Variants in PAX6 observed in about 807,000 individuals in gnomAD.
PAX6 encodes the protein paired box protein Pax-6.
In PAX6, 7 loss-of-function variants were observed where a neutral mutation model predicts 60.7. The ratio of observed to expected loss-of-function variants is 0.12; its 90% CI spans 0.07 to 0.22. The LOEUF (loss-of-function observed/expected upper bound fraction) is 0.22. Among genes scored for constraint, PAX6 ranks in the 10% least tolerant of loss-of-function variants. PAX6 has a pLI of 1.00. For missense variants in PAX6, 355 were observed against 555.2 expected, an observed-to-expected ratio of 0.64 and a Z score of 3.62; for synonymous variants, 208 against 201.2, an observed-to-expected ratio of 1.03 and a Z score of -0.29.
intron 4 of PAX6, 22 bp from the exon 5 acceptor site, chr11:31,802,856 G>A (rs1954565489): frequency 6.2e-7 from 1 of 1,612,182 alleles, no homozygotes; most frequent in Non-Finnish European, 8.5e-7. Flanking sequence ...GAGAGGAGAG[G>A]AAAGGGGAAA....
intron 5 of PAX6, 60 bp downstream of exon 5, chr11:31,802,644 G>A (rs1399356176): frequency 6.4e-7 from 1 of 1,567,168 alleles, no homozygotes; most frequent in Non-Finnish European, 8.6e-7. Context: ...GAAATGAAGA[G>A]AGGGCGTTGA....
At chr11:31,800,060 C>T (rs1383603923) in intron 8 of PAX6, among the ~76,000 whole-genome samples, 1 of 151,808 alleles carries the variant, frequency 6.6e-6, no homozygotes, top group Non-Finnish European at 1.5e-5. Flanking sequence ...GGCATCCCGC[C>T]GTCCTGCTCA....
chr11:31,811,541 CTCCGCGCACGCCGAGAT>C (rs1336944027), upstream of PAX6: 8 of 254,162 alleles, frequency 3.1e-5, no homozygotes, highest in Admixed American at 1.1e-4. Context: ...CATCTCCCCG[CTCCGCGCACGCCGAGAT>C]TCGGCGCGGC....
intron 5 of PAX6, 198 bp downstream of exon 5, chr11:31,802,506 G>A: frequency 1.7e-6 from 1 of 584,048 alleles, no homozygotes; most frequent in Non-Finnish European, 3.0e-6. Flanking sequence ...AACTGACCCA[G>A]GTTGAAAGAG....
chr11:31,795,079 G>A (rs1241507991), intron 8 of PAX6, among the ~76,000 whole-genome samples: 1 of 152,122 alleles, frequency 6.6e-6, no homozygotes. Flanking sequence ...TCTTTTATAA[G>A]TAACCCCAAC....
rs1289289114 is a variant in PAX6 at position 31,790,816 on chromosome 11, G to T, written c.1119C>A (p.Pro373=). ...TCCGCCCATTCACCGAAGGGCTGGT[G>T]GGCAGCATGCAGGAGTATGAGGAGG... ...SQTSSYSCML[P]TSPSVNGRSY... Residue 373 remains proline, a synonymous_variant, in exon 13 of 14, where the codon CCC becomes CCA. Transcript: ENST00000640368. 6.2e-7 allele frequency: 1 copy of T among 1,614,136 alleles called. No individual in the cohort carries two copies. Among genetic ancestry groups the T allele is most frequent in the Non-Finnish European group, 8.5e-7 (1 of 1,180,018 alleles).
Position 31,790,071 on chromosome 11 carries a change from A to G in PAX6, c.1226-52T>C, listed in dbSNP as rs767614768. On this transcript the variant is annotated intron_variant, in intron 13 of 13. Transcript: ENST00000640368. ...TGTAGATATTCCCTTTGAGAAACAG[A>G]CATGGAATACAAATTTATAGGTTTA... 3.7e-6 allele frequency: 3 copies of G among 808,868 alleles called. No individual in the cohort carries two copies. The South Asian group carries it at 4.5e-5, about 12-fold the overall frequency. The allele number at this position is 808,868 out of a possible 1,614,324, so 50.1% of individuals were successfully genotyped here.
At chr11:31,805,366 C>G (rs1056071442) in intron 4 of PAX6, 15 of 152,408 alleles carry the variant, frequency 9.8e-5, no homozygotes, top group Admixed American at 5.9e-4. Flanking sequence ...ACCTTTGTGC[C>G]CTTTCCTCAG....
At chr11:31,813,354 G>C (rs1957216269), upstream of PAX6, among the ~76,000 whole-genome samples, 1 of 139,690 alleles carries the variant, frequency 7.2e-6, no homozygotes, top group Non-Finnish European at 1.5e-5. Context: ...CAAGACTCAA[G>C]TCCGCTGTGC....
upstream of PAX6, among the ~76,000 whole-genome samples, chr11:31,813,657 G>T (rs1261757112): frequency 3.3e-5 from 5 of 152,156 alleles, no homozygotes; most frequent in African/African-American, 9.7e-5. Context: ...ACGTCATTGG[G>T]TGGGGAAGGG....
chr11:31,802,851 G>A lies in PAX6; in HGVS notation c.11-17C>T, dbSNP rs1163207224. ...CGCTGTGACCTGAGGAAAGGGAGAGGAGAGGAAAGGGGAAAAGAAGAGAAG... is the reference window on the plus strand; with the variant it reads ...CGCTGTGACCTGAGGAAAGGGAGAGAAGAGGAAAGGGGAAAAGAAGAGAAG... On this transcript the variant is annotated splice_polypyrimidine_tract_variant and intron_variant, in intron 4 of 13. Transcript: ENST00000640368. 1 of 1,613,098 alleles carries A rather than the reference G, an allele frequency of 6.2e-7. No homozygotes were observed. The highest frequency in any genetic ancestry group is 8.5e-7 in the Non-Finnish European group (1 of 1,179,444).
intron 12 of PAX6, 21 bp downstream of exon 12, chr11:31,793,417 G>A: frequency 6.2e-7 from 1 of 1,604,130 alleles, no homozygotes; most frequent in South Asian, 1.1e-5. Context: ...GGTTATGCAG[G>A]CCACCACCAG....
Position 31,790,619 on chromosome 11 carries a change from C to T in PAX6, c.1225+91G>A, listed in dbSNP as rs149443247. On this transcript the variant is annotated intron_variant, in intron 13 of 13. Coordinates refer to ENST00000640368, the MANE Select transcript of PAX6 (RefSeq NM_001368894.2). ...GACAAGGAAAGCAAGGAGTTAAACA[C>T]GCCCTCCCATAAGACCAGGAGATTC... 16 of 1,582,706 alleles carry T rather than the reference C, an allele frequency of 1.0e-5. No homozygotes were observed. In the East Asian group the frequency reaches 2.0e-4, roughly 20 times the overall value.
chr11:31,799,768 G>C (rs573481823), intron 8 of PAX6, among the ~76,000 whole-genome samples: 1 of 152,264 alleles, frequency 6.6e-6, no homozygotes, highest in African/African-American at 2.4e-5. Context: ...CTGGCCCCGA[G>C]CCCCTCGGCT....
At chr11:31,812,565 G>A (rs1430820647), upstream of PAX6, 1 of 152,368 alleles carries the variant, frequency 6.6e-6, no homozygotes, top group African/African-American at 2.4e-5. Context: ...GCACGATTAG[G>A]ACACACCTCA....
At chr11:31,802,246 G>A in intron 5 of PAX6, 3 of 362,482 alleles carry the variant, frequency 8.3e-6, no homozygotes, top group South Asian at 6.9e-5. Flanking sequence ...TTAGGGAGGA[G>A]TAAATAGCAT....
rs1949177293 is a variant in PAX6, at chr11:31,789,837, T to G, written c.*97A>C. 6 of 1,154,274 alleles carry G rather than the reference T, an allele frequency of 5.2e-6. No homozygotes were observed. Among genetic ancestry groups the G allele is most frequent in the Non-Finnish European group, 7.6e-6 (6 of 785,062 alleles). The allele number at this position is 1,154,274 out of a possible 1,614,324, so 71.5% of individuals were successfully genotyped here. The stretch of plus-strand genomic sequence containing the variant: ...AGAACTGAAGCGGCTCTAACAGCCA[T>G]TTTTCTTTCTTTCCTGAAAGCTCAA... On this transcript the variant is annotated 3_prime_UTR_variant, in exon 14 of 14. Coordinates refer to ENST00000640368, the MANE Select transcript of PAX6 (RefSeq NM_001368894.2).
At chr11:31,806,705 G>A in intron 3 of PAX6, 144 bp downstream of exon 3, 1 of 483,862 alleles carries the variant, frequency 2.1e-6, no homozygotes, top group Non-Finnish European at 3.7e-6. Flanking sequence ...ACATTCTTTA[G>A]CAGTTAACCC....
chr11:31,789,426 G>A lies in PAX6; in HGVS notation c.*508C>T, dbSNP rs1949066314. 2 of 401,194 alleles carry A rather than the reference G, an allele frequency of 5.0e-6. No individual in the cohort carries two copies. 24.9% of individuals were successfully genotyped at this position (401,194 alleles called of 1,614,324 possible). On this transcript the variant is annotated 3_prime_UTR_variant, in exon 14 of 14. Coordinates refer to ENST00000640368, the MANE Select transcript of PAX6 (RefSeq NM_001368894.2). Reference sequence around the variant, plus strand: ...CAGATATTTCTGACATAAATCTAGTGCATGTTGTTCCAGGTTTAATTATAT... The same window carrying A: ...CAGATATTTCTGACATAAATCTAGTACATGTTGTTCCAGGTTTAATTATAT...
Sources: allele counts gnomAD v4.1 joint callset (sites outside exome capture counted in the v4.1 genomes callset), GRCh38; gene constraint gnomAD v4.1.1; transcripts MANE v1.5; gene names NCBI Gene and HGNC (gene_info 2026-07-23, HGNC 2026-07-21).